Variants in ERBIN observed in about 807,000 individuals in gnomAD.
ERBIN encodes densin-180-like protein.
In ERBIN, 60 loss-of-function variants were observed where a neutral mutation model predicts 158.4. The observed-to-expected ratio is 0.38, with a 90% CI of 0.31 to 0.47. The LOEUF is 0.47. Ranked by LOEUF, ERBIN falls within the 20% of genes least tolerant of loss-of-function variation. ERBIN has a pLI of 0.99. For missense variants in ERBIN, 1,610 were observed against 1,648.0 expected, an observed-to-expected ratio of 0.98 and a Z score of 0.40; for synonymous variants, 594 against 557.2, an observed-to-expected ratio of 1.07 and a Z score of -0.93.
intron 1 of ERBIN, among the ~76,000 whole-genome samples, chr5:65,973,783 A>C (rs577037118): frequency 1.4e-4 from 21 of 151,452 alleles, no homozygotes; most frequent in African/African-American, 4.7e-4. Flanking sequence ...ATAAAGGCAA[A>C]TTGGGAATAG....
At chr5:65,931,757 A>G (rs1414577547) in intron 1 of ERBIN, among the ~76,000 whole-genome samples, 1 of 152,022 alleles carries the variant, frequency 6.6e-6, no homozygotes, top group East Asian at 1.9e-4. Flanking sequence ...GTATATGAAG[A>G]AAATCCAGCC....
At position 66,046,497 on chromosome 5, in the gene ERBIN, G is replaced by C. The variant is rs1246641894; in HGVS notation, c.1747G>C (p.Glu583Gln). ...AGTGACTGCAAATATGAAAGCCTCT[G>C]AGAACTTGAAGCATATTGTTAACCA... ...LPVTANMKAS[E>Q]NLKHIVNHDD... The change falls in exon 18 of 26, where the codon GAG (glutamate) becomes CAG (glutamine). Residue 583 changes from glutamate to glutamine, a missense_variant. This residue lies in a region of ERBIN where 596 missense variants were observed against 711.9 expected (regional missense o/e 0.84). Coordinates refer to ENST00000284037, the MANE Select transcript of ERBIN (RefSeq NM_001253697.2). The C allele has an allele frequency of 6.2e-7, 1 of 1,607,074 alleles. No homozygotes were observed. Among genetic ancestry groups the C allele is most frequent in the East Asian group, 2.2e-5 (1 of 44,798 alleles).
chr5:66,069,057 A>G, intron 21 of ERBIN: 1 of 1,430,252 alleles, frequency 7.0e-7, no homozygotes, highest in East Asian at 2.6e-5. Context: ...TTTAGCTTGT[A>G]GAAGAGAAAA....
intron 18 of ERBIN, among the ~76,000 whole-genome samples, chr5:66,047,797 G>A (rs1758593032): frequency 6.6e-6 from 1 of 152,006 alleles, no homozygotes; most frequent in African/African-American, 2.4e-5. Flanking sequence ...GTCACAGGCT[G>A]TGAAAAAATT....
At chr5:65,996,688 G>A (rs1225312011) in intron 4 of ERBIN, among the ~76,000 whole-genome samples, 1 of 152,144 alleles carries the variant, frequency 6.6e-6, no homozygotes, top group Non-Finnish European at 1.5e-5. Flanking sequence ...TTTTGGTAGG[G>A]ATTGGGTTGA....
At chr5:66,002,319 A>C (rs1175637936) in intron 4 of ERBIN, among the ~76,000 whole-genome samples, 3 of 152,190 alleles carry the variant, frequency 2.0e-5, no homozygotes, top group African/African-American at 7.2e-5. Context: ...AAGTTCTCTA[A>C]GCTGCTATCC....
At chr5:66,012,652 CTGTT>C (rs1216547594) in intron 5 of ERBIN, among the ~76,000 whole-genome samples, 1 of 152,116 alleles carries the variant, frequency 6.6e-6, no homozygotes, top group Non-Finnish European at 1.5e-5. Flanking sequence ...GGCACCAAGG[CTGTT>C]AAGTTTTGGA....
chr5:65,964,870 G>T (rs1404933441), intron 1 of ERBIN, among the ~76,000 whole-genome samples: 1 of 146,596 alleles, frequency 6.8e-6, no homozygotes, highest in Non-Finnish European at 1.5e-5. Context: ...CTCCCAAGTA[G>T]CTGGGACTAC....
chr5:66,070,905 T>C (rs1174126465), intron 21 of ERBIN, among the ~76,000 whole-genome samples: 1 of 152,240 alleles, frequency 6.6e-6, no homozygotes, highest in Non-Finnish European at 1.5e-5. Flanking sequence ...GTAGTTTGCA[T>C]TTCTATGTTG....
At chr5:66,007,549 A>T (rs566734839) in intron 4 of ERBIN, among the ~76,000 whole-genome samples, 63 of 149,914 alleles carry the variant, frequency 4.2e-4, no homozygotes, top group South Asian at 1.9e-3. Flanking sequence ...AGTATAATAA[A>T]AAAAAAAAAA....
At chr5:65,966,944 T>A (rs1254911017) in intron 1 of ERBIN, among the ~76,000 whole-genome samples, 1 of 152,046 alleles carries the variant, frequency 6.6e-6, no homozygotes, top group Non-Finnish European at 1.5e-5. Context: ...AAAAAAAAAT[T>A]TCTTTTAAAT....
chr5:66,028,739 GAA>G (rs1183799314), intron 14 of ERBIN, among the ~76,000 whole-genome samples: 1 of 152,090 alleles, frequency 6.6e-6, no homozygotes, highest in East Asian at 1.9e-4. Flanking sequence ...TAGAGCTCTT[GAA>G]CTTATTCCTC....
chr5:65,966,882 G>A (rs552065262), intron 1 of ERBIN, among the ~76,000 whole-genome samples: 35 of 152,028 alleles, frequency 2.3e-4, no homozygotes, highest in African/African-American at 8.2e-4. Context: ...TATAGGCCTA[G>A]GCTAATGTGT....
chr5:66,006,947 G>A (rs1161137848), intron 4 of ERBIN, among the ~76,000 whole-genome samples: 9 of 149,138 alleles, frequency 6.0e-5, no homozygotes, highest in Non-Finnish European at 1.3e-4. Flanking sequence ...TGGTGGGACT[G>A]TAAACTAGTT....
intron 1 of ERBIN, among the ~76,000 whole-genome samples, chr5:65,950,860 G>A (rs1171908091): frequency 6.6e-6 from 1 of 152,038 alleles, no homozygotes. Context: ...AGAGAATATG[G>A]CATAGTAAGA....
In ERBIN at chr5:66,028,268, C is replaced by G; in HGVS notation, c.1137-6C>G. The G allele has an allele frequency of 1.3e-6, 2 of 1,596,544 alleles. No individual in the cohort carries two copies. The highest frequency in any genetic ancestry group is 1.7e-6 in the Non-Finnish European group (2 of 1,170,014). ...TTTAATTTTTGTTTGTATTTTTTTC[C>G]TACAGATTAAAGAATTTACCCTTTA... On this transcript the variant is annotated splice_region_variant and splice_polypyrimidine_tract_variant and intron_variant, in intron 13 of 25. Coordinates refer to ENST00000284037, the MANE Select transcript of ERBIN (RefSeq NM_001253697.2).
At chr5:66,019,262 T>C (rs1235400126) in intron 7 of ERBIN, among the ~76,000 whole-genome samples, 3 of 152,172 alleles carry the variant, frequency 2.0e-5, no homozygotes, top group Non-Finnish European at 4.4e-5. Context: ...GTTTTAAGTA[T>C]TACAAAGTCA....
intron 21 of ERBIN, 130 bp downstream of exon 21, chr5:66,055,081 A>C: frequency 7.1e-7 from 1 of 1,414,786 alleles, no homozygotes; most frequent in South Asian, 1.7e-5. Flanking sequence ...GGTACTGGGA[A>C]TAGAGTTCCA....
At chr5:66,005,827 C>G (rs1753529400) in intron 4 of ERBIN, among the ~76,000 whole-genome samples, 1 of 152,136 alleles carries the variant, frequency 6.6e-6, no homozygotes, top group Non-Finnish European at 1.5e-5. Context: ...ACCTAGGAAT[C>G]CAACTTACAA....
Sources: gnomAD v4.1 joint callset for allele counts (sites outside exome capture counted in the v4.1 genomes callset) on GRCh38, gnomAD v4.1.1 for gene constraint, gnomAD v4.1.1 regional missense constraint, MANE v1.5 for transcripts, NCBI Gene and HGNC (gene_info 2026-07-23, HGNC 2026-07-21) for gene names.